Variants in CPXM2 observed in about 807,000 individuals in gnomAD.
CPXM2 encodes the protein inactive carboxypeptidase-like protein X2.
In CPXM2, 66 loss-of-function variants were observed where a neutral mutation model predicts 86.1. The observed-to-expected ratio is 0.77, with a 90% CI of 0.63 to 0.94. The LOEUF (loss-of-function observed/expected upper bound fraction) is 0.94. CPXM2 is among the 40% of genes least tolerant of loss of function. The pLI is 0.00. For missense variants in CPXM2, 948 were observed against 1,026.3 expected, an observed-to-expected ratio of 0.92 and a Z score of 1.04; for synonymous variants, 388 against 400.2, an observed-to-expected ratio of 0.97 and a Z score of 0.36.
intron 3 of CPXM2, among the ~76,000 whole-genome samples, chr10:123,849,180 G>T (rs561358778): frequency 6.6e-6 from 1 of 151,986 alleles, no homozygotes; most frequent in South Asian, 2.1e-4. Flanking sequence ...TCTATTGATC[G>T]GTTTTGTGTT....
intron 4 of CPXM2, among the ~76,000 whole-genome samples, chr10:123,806,744 G>C (rs946326204): frequency 6.6e-6 from 1 of 152,106 alleles, no homozygotes; most frequent in Non-Finnish European, 1.5e-5. Flanking sequence ...GGCGGCAGGA[G>C]ACAGAGAGAG....
At chr10:123,770,492 A>G (rs1846602516) in intron 8 of CPXM2, among the ~76,000 whole-genome samples, 2 of 152,212 alleles carry the variant, frequency 1.3e-5, no homozygotes, top group Non-Finnish European at 1.5e-5. Flanking sequence ...TGAATGGGAA[A>G]TGTCTGAAAA....
intron 12 of CPXM2, among the ~76,000 whole-genome samples, chr10:123,756,684 T>C (rs1253300787): frequency 2.7e-5 from 4 of 145,762 alleles, no homozygotes; most frequent in African/African-American, 9.8e-5. Flanking sequence ...AAAAGGAGGC[T>C]GTTAAGGTGG....
At chr10:123,920,871 C>T (rs762956674) in intron 2 of CPXM2, among the ~76,000 whole-genome samples, 7 of 152,130 alleles carry the variant, frequency 4.6e-5, no homozygotes, top group Non-Finnish European at 8.8e-5. Context: ...CTCACATGCA[C>T]GACTTTGCCC....
chr10:123,905,990 C>T (rs1945435666), intron 2 of CPXM2, among the ~76,000 whole-genome samples: 3 of 152,194 alleles, frequency 2.0e-5, no homozygotes, highest in Non-Finnish European at 4.4e-5. Flanking sequence ...GACGGTCTGT[C>T]CACTCTTCCT....
intron 4 of CPXM2, among the ~76,000 whole-genome samples, chr10:123,809,437 T>C (rs1159459937): frequency 1.3e-5 from 2 of 152,176 alleles, no homozygotes; most frequent in African/African-American, 4.8e-5. Context: ...CAAAAGTTAG[T>C]CATAGTGCAT....
chr10:123,875,741 C>G (rs61861906), intron 2 of CPXM2, among the ~76,000 whole-genome samples: 24,868 of 151,508 alleles, frequency 0.16, 2,385 homozygotes, highest in African/African-American at 0.24. Context: ...TCGCATTCAC[C>G]AACATGTTTC....
chr10:123,790,328 T>C (rs1046715660), intron 6 of CPXM2, among the ~76,000 whole-genome samples: 2 of 147,436 alleles, frequency 1.4e-5, no homozygotes, highest in Non-Finnish European at 3.0e-5. Flanking sequence ...TAGGAGTGAC[T>C]GAAGACAGAG....
At chr10:123,941,977 A>T (rs1169798393), upstream of CPXM2, among the ~76,000 whole-genome samples, 1 of 152,220 alleles carries the variant, frequency 6.6e-6, no homozygotes, top group African/African-American at 2.4e-5. Flanking sequence ...AAAATAGGTT[A>T]AAAAGATTGC....
chr10:123,746,832 T>A lies in CPXM2; in HGVS notation c.2203A>T (p.Lys735Ter). The A allele has an allele frequency of 6.2e-7, 1 of 1,614,196 alleles. No homozygotes were observed. The highest frequency in any genetic ancestry group is 1.3e-5 in the African/African-American group (1 of 75,038). The change falls in exon 14 of 14, where the codon AAG (lysine) becomes TAG (stop). Residue 735 changes from lysine to a stop codon, truncating the protein, a stop_gained. Transcript: ENST00000241305. LOFTEE classifies it high-confidence loss of function. ...RIREIMEKFG[K>*]QPVSLPARRL... Reference sequence around the variant, plus strand: ...CTGGCTGGCAGGCTGACGGGCTGCTTCCCAAACTTCTCCATGATCTCTCGG... The same window carrying A: ...CTGGCTGGCAGGCTGACGGGCTGCTACCCAAACTTCTCCATGATCTCTCGG...
intron 12 of CPXM2, 106 bp downstream of exon 12, chr10:123,757,107 G>T: frequency 9.5e-7 from 1 of 1,048,260 alleles, no homozygotes; most frequent in Non-Finnish European, 1.5e-6. Context: ...GGCCCAGGAT[G>T]ACGGCCAAGG....
chr10:123,819,938 G>A (rs971388699), intron 4 of CPXM2, among the ~76,000 whole-genome samples: 2 of 152,258 alleles, frequency 1.3e-5, no homozygotes, highest in Non-Finnish European at 2.9e-5. Context: ...CTTAATCTGG[G>A]TGGGCACCAT....
intron 4 of CPXM2, among the ~76,000 whole-genome samples, chr10:123,821,773 A>G (rs750255875): frequency 6.6e-6 from 1 of 152,180 alleles, no homozygotes; most frequent in Non-Finnish European, 1.5e-5. Context: ...CCTAAAATGC[A>G]TTAGACAGAC....
At chr10:123,785,472 G>A (rs1365383574) in intron 6 of CPXM2, among the ~76,000 whole-genome samples, 1 of 152,110 alleles carries the variant, frequency 6.6e-6, no homozygotes, top group Non-Finnish European at 1.5e-5. Flanking sequence ...GATTTTCCCA[G>A]GACTGTCCTG....
At chr10:123,823,806 C>A (rs1847983198) in intron 4 of CPXM2, among the ~76,000 whole-genome samples, 1 of 151,840 alleles carries the variant, frequency 6.6e-6, no homozygotes, top group African/African-American at 2.4e-5. Flanking sequence ...CATTTTATTC[C>A]AAAATATTGA....
chr10:123,943,175 C>CATTTCAGCATTCCTGATTGCCTATAT (rs11271086), upstream of CPXM2, among the ~76,000 whole-genome samples: 50,903 of 151,918 alleles, frequency 0.34, 9,038 homozygotes, highest in African/African-American at 0.42. Context: ...TTTCTAAATT[C>CATTTCAGCATTCCTGATTGCCTATAT]ATGTGTGTTC....
chr10:123,871,746 T>C (rs1388650285), intron 2 of CPXM2, among the ~76,000 whole-genome samples: 1 of 152,122 alleles, frequency 6.6e-6, no homozygotes, highest in Non-Finnish European at 1.5e-5. Context: ...AGAGCATTTA[T>C]TATTCAAAAG....
At chr10:123,910,837 T>C (rs115805543) in intron 2 of CPXM2, among the ~76,000 whole-genome samples, 20,006 of 152,108 alleles carry the variant, frequency 0.13, 1,489 homozygotes, top group South Asian at 0.17. Flanking sequence ...CTCCACCAGC[T>C]CTCGGGGAGG....
upstream of CPXM2, among the ~76,000 whole-genome samples, chr10:123,941,032 G>A (rs28527775): frequency 0.29 from 43,419 of 151,938 alleles, 6,498 homozygotes; most frequent in Middle Eastern, 0.36. Context: ...TTAGCAGGGC[G>A]TGCTGGTGGG....
Sources: gnomAD v4.1 joint callset for allele counts (sites outside exome capture counted in the v4.1 genomes callset) on GRCh38, gnomAD v4.1.1 for gene constraint, MANE v1.5 for transcripts, NCBI Gene and HGNC (gene_info 2026-07-23, HGNC 2026-07-21) for gene names.